TCF12: variants seen among roughly 807,000 people sequenced by gnomAD.
The protein encoded by TCF12 is DNA-binding protein HTF4.
TCF12 carries 45 observed loss-of-function variants against 86.0 expected under a neutral mutation model. That is an observed-to-expected ratio of 0.52 (90% CI 0.41 to 0.67). TCF12 has a LOEUF of 0.67. Ranked by LOEUF, TCF12 falls within the 30% of genes least tolerant of loss-of-function variation. TCF12 has a pLI of 0.00. For missense variants in TCF12, 881 were observed against 859.9 expected (o/e 1.02, Z -0.31); for synonymous variants, 330 against 299.6 (o/e 1.10, Z -1.05).
intron 5 of TCF12, among the ~76,000 whole-genome samples, chr15:57,115,709 G>T (rs1269952347): frequency 6.6e-6 from 1 of 152,130 alleles, no homozygotes; most frequent in Non-Finnish European, 1.5e-5. Context: ...GTCAAGTTCT[G>T]TTGCTTAATT....
At chr15:57,131,150 T>C (rs2052084134) in intron 5 of TCF12, among the ~76,000 whole-genome samples, 1 of 152,182 alleles carries the variant, frequency 6.6e-6, no homozygotes, top group African/African-American at 2.4e-5. Context: ...GGACTGAATT[T>C]GGAATCAAAA....
At chr15:57,060,386 A>G (rs2068371130) in intron 3 of TCF12, among the ~76,000 whole-genome samples, 1 of 152,230 alleles carries the variant, frequency 6.6e-6, no homozygotes, top group African/African-American at 2.4e-5. Context: ...TTCCATTCAG[A>G]AAACCAGGTA....
intron 5 of TCF12, among the ~76,000 whole-genome samples, chr15:57,115,652 G>T (rs1406402801): frequency 1.3e-5 from 2 of 152,044 alleles, no homozygotes; most frequent in African/African-American, 4.8e-5. Flanking sequence ...ATTGATTTGG[G>T]TTAATAAGTA....
At chr15:57,025,321 C>A (rs2439917) in intron 3 of TCF12, among the ~76,000 whole-genome samples, 14,852 of 152,164 alleles carry the variant, frequency 0.098, 886 homozygotes, top group South Asian at 0.17. Flanking sequence ...CTCAAGTGAT[C>A]GCCTGCCTCA....
At position 57,041,585 on chromosome 15, in the gene TCF12, A is replaced by C. The variant is rs1414024641; in HGVS notation, c.149-22165A>C. 2.0e-5 allele frequency among the ~76,000 whole-genome samples: 3 copies of C among 152,192 alleles called. No homozygotes were observed. In the East Asian group the frequency reaches 5.8e-4, roughly 29 times the overall value. ...AGATCTAGAGCCACTGCCAAACCTGAAAACAACAATGGCACAAAGAAGAGA... is the reference window on the plus strand; with the variant it reads ...AGATCTAGAGCCACTGCCAAACCTGCAAACAACAATGGCACAAAGAAGAGA... On this transcript the variant is annotated intron_variant, in intron 3 of 20. Transcript: ENST00000333725.
chr15:57,163,281 C>G (rs918508377), intron 5 of TCF12, among the ~76,000 whole-genome samples: 33 of 152,062 alleles, frequency 2.2e-4, no homozygotes, highest in Admixed American at 7.2e-4. Flanking sequence ...TTTTTAAAAA[C>G]CTTAGAAATA....
chr15:56,961,998 GGCGGGC>G lies in TCF12; in HGVS notation c.148+40903_148+40908del, dbSNP rs369026586. 8.8e-4 allele frequency among the ~76,000 whole-genome samples: 134 copies of G among 152,094 alleles called. 4 individuals are homozygous for G. In the East Asian group the frequency reaches 0.015, roughly 18 times the overall value. On this transcript the variant is annotated intron_variant, in intron 3 of 20. Coordinates refer to ENST00000333725, the MANE Select transcript of TCF12 (RefSeq NM_207037.2). ...TAAAAAAAAATTAGCCGGGCGTGGT[GGCGGGC>G]GCCTGTAGTCCCAGCTACTCGGAGA...
chr15:57,116,212 C>T (rs2050825355), intron 5 of TCF12, among the ~76,000 whole-genome samples: 1 of 152,200 alleles, frequency 6.6e-6, no homozygotes, highest in Non-Finnish European at 1.5e-5. Flanking sequence ...ATCATGTGTA[C>T]TGACCCTGGG....
At chr15:56,930,986 G>A (rs1488597159) in intron 3 of TCF12, among the ~76,000 whole-genome samples, 4 of 152,036 alleles carry the variant, frequency 2.6e-5, no homozygotes, top group African/African-American at 9.7e-5. Context: ...GAAAAACTGA[G>A]TTCTAAAACC....
At chr15:57,104,402 CTG>C (rs1434401974) in intron 5 of TCF12, among the ~76,000 whole-genome samples, 6 of 149,456 alleles carry the variant, frequency 4.0e-5, no homozygotes, top group African/African-American at 1.5e-4. Flanking sequence ...GCAGGATTCC[CTG>C]TGTGGAGCCA....
chr15:57,182,392 G>T (rs1168362362), intron 6 of TCF12, among the ~76,000 whole-genome samples: 1 of 151,732 alleles, frequency 6.6e-6, no homozygotes, highest in African/African-American at 2.4e-5. Flanking sequence ...TTTTTTCATT[G>T]TTTTGTTAAA....
rs1248623789 is a variant in TCF12, at chr15:57,273,093, G to C, written c.1809G>C (p.Arg603=). 1.2e-6 allele frequency: 2 copies of C among 1,614,226 alleles called. No homozygotes were observed. The highest frequency in any genetic ancestry group is 2.2e-5 in the South Asian group (2 of 91,080). The change falls in exon 19 of 21, where the codon CGG becomes CGC. Residue 603 remains arginine, a synonymous_variant. Transcript: ENST00000333725. ...AGATAGAAAGGGAGAAGGAGAGGCG[G>C]ATGGCTAACAATGCCAGAGAACGCT... The part of the protein sequence containing the change: ...EQKIEREKER[R]MANNARERLR...
intron 3 of TCF12, among the ~76,000 whole-genome samples, chr15:56,922,989 ACT>A (rs1383945059): frequency 1.3e-5 from 2 of 151,976 alleles, no homozygotes; most frequent in African/African-American, 4.8e-5. Context: ...TATGTAATAC[ACT>A]CTAATGCCTA....
At chr15:57,227,231 G>C (rs766168115) in intron 8 of TCF12, among the ~76,000 whole-genome samples, 1 of 152,040 alleles carries the variant, frequency 6.6e-6, no homozygotes, top group South Asian at 2.1e-4. Flanking sequence ...CTGCTTCTTT[G>C]CATTTTTTCT....
rs564464598 is a variant in TCF12 at position 57,268,744 on chromosome 15, A to G, written c.1746-4286A>G. ...GTTTTTTTTTCTGATTATGTAGTCTATTTTCATTACAGAAATGTAGAAAAT... is the reference window on the plus strand; with the variant it reads ...GTTTTTTTTTCTGATTATGTAGTCTGTTTTCATTACAGAAATGTAGAAAAT... On this transcript the variant is annotated intron_variant, in intron 18 of 20. Transcript: ENST00000333725. Among the ~76,000 whole-genome samples the G allele has an allele frequency of 2.8e-4, 43 of 152,066 alleles. No homozygotes were observed. The South Asian group carries it at 7.3e-3, about 26-fold the overall frequency.
intron 20 of TCF12, among the ~76,000 whole-genome samples, chr15:57,282,941 G>A (rs2061761401): frequency 6.6e-6 from 1 of 152,174 alleles, no homozygotes; most frequent in Non-Finnish European, 1.5e-5. Context: ...TACCACTCAT[G>A]TTCTTCATTT....
intron 12 of TCF12, among the ~76,000 whole-genome samples, chr15:57,238,771 A>G (rs772392118): frequency 6.6e-6 from 1 of 152,220 alleles, no homozygotes; most frequent in Admixed American, 6.5e-5. Context: ...GTTGACCAGT[A>G]TAAGTTTCCT....
intron 3 of TCF12, among the ~76,000 whole-genome samples, chr15:56,939,321 A>AAG (rs1378944882): frequency 6.6e-6 from 1 of 152,190 alleles, no homozygotes; most frequent in East Asian, 1.9e-4. Context: ...AGACAGAGCT[A>AAG]AGGTCAGTAT....
intron 3 of TCF12, among the ~76,000 whole-genome samples, chr15:57,049,002 C>A (rs1755776435): frequency 6.6e-6 from 1 of 152,138 alleles, no homozygotes; most frequent in Non-Finnish European, 1.5e-5. Context: ...ACCAAAGTTG[C>A]TTTTCAAGAG....
Sources: gnomAD v4.1 joint callset for allele counts (sites outside exome capture counted in the v4.1 genomes callset) on GRCh38, gnomAD v4.1.1 for gene constraint, MANE v1.5 for transcripts, NCBI Gene and HGNC (gene_info 2026-07-23, HGNC 2026-07-21) for gene names.